Variants in ZCWPW2 observed in about 807,000 individuals in gnomAD.
ZCWPW2 encodes zinc finger CW-type PWWP domain protein 2.
A neutral mutation model predicts 46.6 loss-of-function variants in ZCWPW2; 45 were observed. The observed-to-expected ratio is 0.96, with a 90% CI of 0.76 to 1.24. The LOEUF is 1.24. ZCWPW2 is among the 50% of genes most tolerant of loss of function. The probability of loss-of-function intolerance (pLI) is 0.00; values close to 1 mark genes in which losing one functional copy is unlikely to be tolerated. For missense variants in ZCWPW2, 429 were observed against 403.9 expected, an observed-to-expected ratio of 1.06 and a Z score of -0.53; for synonymous variants, 152 against 137.1, an observed-to-expected ratio of 1.11 and a Z score of -0.76.
intron 2 of ZCWPW2, among the ~76,000 whole-genome samples, chr3:28,408,018 G>C (rs1290194593): frequency 6.6e-6 from 1 of 152,132 alleles, no homozygotes; most frequent in Non-Finnish European, 1.5e-5. Context: ...AAAAGAATAA[G>C]CATTTTATGA....
At position 28,526,356 on chromosome 3, in the gene ZCWPW2, C is replaced by G. The variant is rs1700844657; in HGVS notation, c.*1668C>G. On this transcript the variant is annotated 3_prime_UTR_variant, in exon 10 of 10. Transcript: ENST00000383768. ...CATTTATAAAATTAATCTTTGGAAA[C>G]CATCACAAGCAACATTATGATCTTC... Among the ~76,000 whole-genome samples the G allele has an allele frequency of 6.6e-6, 1 of 152,158 alleles. No homozygotes were observed. Among genetic ancestry groups the G allele is most frequent in the South Asian group, 2.1e-4 (1 of 4,834 alleles).
chr3:28,495,204 C>T (rs1575207344), intron 6 of ZCWPW2, among the ~76,000 whole-genome samples: 1 of 152,090 alleles, frequency 6.6e-6, no homozygotes, highest in African/African-American at 2.4e-5. Flanking sequence ...GTAACCAAAA[C>T]AGCAGGAATC....
intron 3 of ZCWPW2, among the ~76,000 whole-genome samples, chr3:28,422,774 T>A (rs1198543291): frequency 6.6e-6 from 1 of 152,132 alleles, no homozygotes; most frequent in Non-Finnish European, 1.5e-5. Context: ...AGTATGTGTG[T>A]GTGTGTGTGT....
intron 3 of ZCWPW2, among the ~76,000 whole-genome samples, chr3:28,417,261 C>G (rs1004505611): frequency 2.6e-5 from 4 of 151,968 alleles, no homozygotes; most frequent in Non-Finnish European, 4.4e-5. Flanking sequence ...ACTAGAAAAT[C>G]TAGAAGAAAT....
At chr3:28,429,621 A>C (rs931119163) in intron 3 of ZCWPW2, among the ~76,000 whole-genome samples, 2 of 152,180 alleles carry the variant, frequency 1.3e-5, no homozygotes, top group African/African-American at 2.4e-5. Context: ...ACAATGGGGA[A>C]AATGTCTCCA....
chr3:28,467,012 T>C (rs941932215), intron 4 of ZCWPW2, among the ~76,000 whole-genome samples: 6 of 152,100 alleles, frequency 3.9e-5, no homozygotes, highest in African/African-American at 1.4e-4. Flanking sequence ...CTATAAAATA[T>C]GATAGATATA....
chr3:28,389,104 C>G (rs949430102), intron 1 of ZCWPW2, among the ~76,000 whole-genome samples: 9 of 152,072 alleles, frequency 5.9e-5, no homozygotes, highest in Admixed American at 5.9e-4. Context: ...AGCATTTTTC[C>G]CTCTGGAACT....
intron 9 of ZCWPW2, among the ~76,000 whole-genome samples, chr3:28,523,494 T>A (rs1379731199): frequency 6.6e-6 from 1 of 152,080 alleles, no homozygotes; most frequent in Non-Finnish European, 1.5e-5. Context: ...TAGGGGAGGG[T>A]GGCCTCTTAT....
chr3:28,382,648 A>T (rs1437268426), intron 1 of ZCWPW2, among the ~76,000 whole-genome samples: 1 of 152,136 alleles, frequency 6.6e-6, no homozygotes, highest in Admixed American at 6.6e-5. Context: ...CCATTTTCAC[A>T]AACTCTAAAG....
intron 4 of ZCWPW2, among the ~76,000 whole-genome samples, chr3:28,441,428 T>C (rs1323724868): frequency 6.6e-6 from 1 of 152,186 alleles, no homozygotes; most frequent in East Asian, 1.9e-4. Flanking sequence ...GGTGCACTGC[T>C]TGAAGTTTTG....
At chr3:28,391,816 C>CT (rs992874890) in intron 2 of ZCWPW2, among the ~76,000 whole-genome samples, 26 of 152,120 alleles carry the variant, frequency 1.7e-4, no homozygotes, top group Non-Finnish European at 3.2e-4. Context: ...GAAGGAGCCA[C>CT]TATTTTGCCA....
chr3:28,410,828 A>G (rs532895798), intron 2 of ZCWPW2, among the ~76,000 whole-genome samples: 1 of 152,074 alleles, frequency 6.6e-6, no homozygotes, highest in South Asian at 2.1e-4. Context: ...AATTCAAAAA[A>G]CTGAAGGGAC....
At chr3:28,460,968 A>T in intron 4 of ZCWPW2, 1 of 258,956 alleles carries the variant, frequency 3.9e-6, no homozygotes, top group African/African-American at 2.2e-5. Context: ...ATTTCTTTAG[A>T]TTATGAGATC....
At position 28,515,543 on chromosome 3, in the gene ZCWPW2, T is replaced by C; in HGVS notation, c.717-11T>C. Reference sequence around the variant, plus strand: ...TCTTTTGAAACTAAATCTGTCAAATTCTTTTTCTAGGAAAGCAATTTTAAA... The same window carrying C: ...TCTTTTGAAACTAAATCTGTCAAATCCTTTTTCTAGGAAAGCAATTTTAAA... On this transcript the variant is annotated splice_polypyrimidine_tract_variant and intron_variant, in intron 7 of 9. Transcript: ENST00000383768. The C allele has an allele frequency of 1.3e-6, 2 of 1,591,516 alleles. No homozygotes were observed. The highest frequency in any genetic ancestry group is 1.7e-6 in the Non-Finnish European group (2 of 1,162,834).
chr3:28,412,011 T>C (rs922351708), intron 2 of ZCWPW2, among the ~76,000 whole-genome samples: 2 of 152,040 alleles, frequency 1.3e-5, no homozygotes, highest in Non-Finnish European at 2.9e-5. Context: ...GACAAATTTC[T>C]AAAGCAATTT....
At chr3:28,399,910 A>G (rs1223876248) in intron 2 of ZCWPW2, among the ~76,000 whole-genome samples, 1 of 152,184 alleles carries the variant, frequency 6.6e-6, no homozygotes, top group African/African-American at 2.4e-5. Context: ...CTCATGAGCA[A>G]TGGATCCAAA....
chr3:28,460,437 C>T (rs1698587319), intron 4 of ZCWPW2, among the ~76,000 whole-genome samples: 1 of 152,084 alleles, frequency 6.6e-6, no homozygotes, highest in Admixed American at 6.6e-5. Flanking sequence ...ATATTTGCTT[C>T]AAGTATTCAA....
intron 5 of ZCWPW2, among the ~76,000 whole-genome samples, chr3:28,480,185 A>G (rs1699379430): frequency 1.3e-5 from 2 of 152,162 alleles, no homozygotes; most frequent in Admixed American, 1.3e-4. Flanking sequence ...CACTCCTACC[A>G]ACAGTGTATA....
chr3:28,442,728 G>C (rs1697816257), intron 4 of ZCWPW2, among the ~76,000 whole-genome samples: 1 of 151,812 alleles, frequency 6.6e-6, no homozygotes, highest in Non-Finnish European at 1.5e-5. Flanking sequence ...GCTGCAATTG[G>C]AATCACCACT....
Sources: allele counts gnomAD v4.1 joint callset (sites outside exome capture counted in the v4.1 genomes callset), GRCh38; gene constraint gnomAD v4.1.1; transcripts MANE v1.5; gene names NCBI Gene and HGNC (gene_info 2026-07-23, HGNC 2026-07-21).